Variants in CAB39L observed in about 807,000 individuals in gnomAD.
The protein encoded by CAB39L is calcium binding protein 39 like, also known as calcium-binding protein 39-like.
In CAB39L, 23 loss-of-function variants were observed where a neutral mutation model predicts 39.1. The ratio of observed to expected loss-of-function variants is 0.59; its 90% CI spans 0.42 to 0.83. The LOEUF is 0.83. CAB39L is among the 40% of genes least tolerant of loss of function. CAB39L has a pLI of 0.00. For missense variants in CAB39L, 366 were observed against 391.9 expected, an observed-to-expected ratio of 0.93 and a Z score of 0.56; for synonymous variants, 126 against 137.2, an observed-to-expected ratio of 0.92 and a Z score of 0.57.
At chr13:49,416,982 T>C (rs1957096040) in intron 3 of CAB39L, among the ~76,000 whole-genome samples, 1 of 152,082 alleles carries the variant, frequency 6.6e-6, no homozygotes, top group African/African-American at 2.4e-5. Flanking sequence ...ACCAAGCAAA[T>C]GTTAGTCTAT....
intron 7 of CAB39L, among the ~76,000 whole-genome samples, chr13:49,344,521 A>AT (rs369905242): frequency 0.44 from 59,692 of 135,934 alleles, 13,669 homozygotes; most frequent in Admixed American, 0.55. Context: ...AGATGAGTTA[A>AT]TTTTTTTTTT....
chr13:49,311,411 G>A (rs142057996), intron 10 of CAB39L, among the ~76,000 whole-genome samples: 162 of 152,292 alleles, frequency 1.1e-3, no homozygotes, highest in African/African-American at 3.1e-3. Flanking sequence ...ACTGGTTTAC[G>A]TATTTACTAT....
chr13:49,433,248 T>C, intron 3 of CAB39L, 70 bp downstream of exon 3: 1 of 346,554 alleles, frequency 2.9e-6, no homozygotes, highest in South Asian at 2.3e-5. Context: ...TTTATTTTGG[T>C]ATGTTGAGCA....
At chr13:49,416,033 A>C (rs946860245) in intron 3 of CAB39L, among the ~76,000 whole-genome samples, 11 of 152,274 alleles carry the variant, frequency 7.2e-5, no homozygotes, top group Admixed American at 7.2e-4. Context: ...TCTCAGAAAG[A>C]AGCTCACTCA....
In CAB39L at chr13:49,346,100, G is replaced by GATAT. The variant is rs370368670; in HGVS notation, c.565-1866_565-1863dup. ...GATATATATATATATATATATGCTA[G>GATAT]ATATATATATATATATATATATATC... On this transcript the variant is annotated intron_variant, in intron 7 of 10. Coordinates refer to ENST00000409308, the MANE Select transcript of CAB39L (RefSeq NM_001079670.3). Among the ~76,000 whole-genome samples, 140 of 30,918 alleles carry GATAT rather than the reference G, an allele frequency of 4.5e-3. 15 individuals are homozygous for GATAT. The South Asian group carries it at 0.092, about 20-fold the overall frequency. 20.3% of individuals were successfully genotyped at this position (30,918 alleles called of 152,430 possible).
At chr13:49,359,859 A>G (rs533725070) in intron 5 of CAB39L, 27 bp from the exon 6 acceptor site, 5 of 1,236,990 alleles carry the variant, frequency 4.0e-6, no homozygotes, top group South Asian at 2.4e-5. Context: ...CAGAAATTAA[A>G]TTGTACACTC....
chr13:49,426,512 C>T (rs954301277), intron 3 of CAB39L, among the ~76,000 whole-genome samples: 20 of 152,080 alleles, frequency 1.3e-4, no homozygotes, highest in Admixed American at 4.6e-4. Flanking sequence ...CTGCAAGCTC[C>T]GCCTCCCGGG....
chr13:49,441,838 G>A (rs1957530443), intron 1 of CAB39L, among the ~76,000 whole-genome samples: 2 of 152,094 alleles, frequency 1.3e-5, no homozygotes, highest in South Asian at 4.2e-4. Context: ...GCCAAGTGCT[G>A]ACAAGGATGA....
chr13:49,431,746 A>C (rs1957329174), intron 3 of CAB39L, among the ~76,000 whole-genome samples: 1 of 152,002 alleles, frequency 6.6e-6, no homozygotes, highest in Non-Finnish European at 1.5e-5. Flanking sequence ...AAAAAACAAA[A>C]AGTAAAAAAA....
At chr13:49,361,522 G>A (rs1955632149) in intron 5 of CAB39L, among the ~76,000 whole-genome samples, 1 of 140,866 alleles carries the variant, frequency 7.1e-6, no homozygotes, top group South Asian at 2.3e-4. Flanking sequence ...AAAGGAAAGA[G>A]AGAGAGAGAG....
At chr13:49,356,623 T>A (rs1259922283) in intron 6 of CAB39L, among the ~76,000 whole-genome samples, 1 of 152,234 alleles carries the variant, frequency 6.6e-6, no homozygotes, top group Non-Finnish European at 1.5e-5. Flanking sequence ...AATGTTACTA[T>A]CATACTCTCA....
intron 7 of CAB39L, among the ~76,000 whole-genome samples, chr13:49,349,356 TTACA>T (rs940388403): frequency 6.6e-6 from 1 of 151,426 alleles, no homozygotes; most frequent in Non-Finnish European, 1.5e-5. Context: ...TAAAAAAAAG[TTACA>T]TACGTATATC....
At chr13:49,425,373 T>C (rs2138719465) in intron 3 of CAB39L, among the ~76,000 whole-genome samples, 1 of 152,240 alleles carries the variant, frequency 6.6e-6, no homozygotes, top group South Asian at 2.1e-4. Flanking sequence ...ATTACAAAGC[T>C]TGCTACCCAA....
At chr13:49,432,285 C>T (rs1004049737) in intron 3 of CAB39L, among the ~76,000 whole-genome samples, 5 of 151,914 alleles carry the variant, frequency 3.3e-5, no homozygotes, top group African/African-American at 1.2e-4. Context: ...TCCTGAGGTA[C>T]GCACCACCAT....
Position 49,441,235 on chromosome 13 carries a change from A to AT in CAB39L, c.-246+2750dup, listed in dbSNP as rs1219051472. Among the ~76,000 whole-genome samples the AT allele has an allele frequency of 1.4e-5, 2 of 139,984 alleles. 1 individual carries two copies. The highest frequency in any genetic ancestry group is 1.6e-4 in the Admixed American group (2 of 12,718). The allele number at this position is 139,984 out of a possible 152,430, so 91.8% of individuals were successfully genotyped here. A position where few individuals can be genotyped will look rare whatever the true frequency, so the allele number is the denominator to read the frequency against. The stretch of plus-strand genomic sequence containing the variant: ...AATGATTTAGTGTATATATATATAT[A>AT]TATATATATTCCCTTTTCCCATATA... On this transcript the variant is annotated intron_variant, in intron 1 of 10. Coordinates refer to ENST00000409308, the MANE Select transcript of CAB39L (RefSeq NM_001079670.3).
intron 7 of CAB39L, among the ~76,000 whole-genome samples, chr13:49,347,960 A>C (rs770207285): frequency 2.6e-5 from 4 of 151,094 alleles, no homozygotes; most frequent in Non-Finnish European, 5.9e-5. Context: ...GCCTCTCGTT[A>C]ACTCCCCTTC....
chr13:49,333,882 C>G (rs1423424641), intron 9 of CAB39L, among the ~76,000 whole-genome samples: 2 of 152,052 alleles, frequency 1.3e-5, no homozygotes, highest in East Asian at 3.9e-4. Context: ...TCTAGACCCA[C>G]ATTTCTAACT....
At chr13:49,411,109 C>G (rs1258921857) in intron 3 of CAB39L, among the ~76,000 whole-genome samples, 2 of 152,072 alleles carry the variant, frequency 1.3e-5, no homozygotes, top group Non-Finnish European at 2.9e-5. Context: ...CTATGCTTCT[C>G]TATTGTTTTA....
chr13:49,363,289 T>G (rs1463245806), intron 5 of CAB39L, among the ~76,000 whole-genome samples: 2 of 152,090 alleles, frequency 1.3e-5, no homozygotes, highest in African/African-American at 4.8e-5. Flanking sequence ...TAACAACTTT[T>G]CAAGATATAA....
Sources: allele counts gnomAD v4.1 joint callset (sites outside exome capture counted in the v4.1 genomes callset), GRCh38; gene constraint gnomAD v4.1.1; transcripts MANE v1.5; gene names NCBI Gene and HGNC (gene_info 2026-07-23, HGNC 2026-07-21).